The following EFCAB8 variants were observed in gnomAD, a reference collection of about 807,000 sequenced individuals.
EFCAB8 encodes the protein EF-hand calcium binding domain 8, also known as EF-hand calcium-binding domain-containing protein 8.
In EFCAB8, 100 loss-of-function variants were observed where a neutral mutation model predicts 116.3. The observed-to-expected ratio is 0.86, with a 90% confidence interval of 0.73 to 1.02. EFCAB8 has a LOEUF of 1.02. Among genes scored for constraint, EFCAB8 ranks in the 50% least tolerant of loss-of-function variants. EFCAB8 has a pLI of 0.00. For missense variants in EFCAB8, 1,320 were observed against 1,416.9 expected (o/e 0.93, Z 1.10); for synonymous variants, 558 against 567.9 (o/e 0.98, Z 0.25).
At position 32,918,430 on chromosome 20, in the gene EFCAB8, G is replaced by A; in HGVS notation, c.2130G>A (p.Lys710=). 2 of 1,551,764 alleles carry A rather than the reference G, an allele frequency of 1.3e-6. No individual in the cohort carries two copies. Among genetic ancestry groups the A allele is most frequent in the East Asian group, 2.4e-5 (1 of 40,920 alleles). ...RPSRPYVERE[K]WTYKTSRKLS... ...GCAGACCCTATGTGGAGCGGGAGAA[G>A]TGGACATACAAGACCTCCAGGAAGC... The change falls in exon 19 of 27, where the codon AAG becomes AAA. Residue 710 remains lysine (K), a synonymous_variant. Transcript: ENST00000400522.
chr20:32,923,952 A>C (rs117962900), intron 20 of EFCAB8, among the ~76,000 whole-genome samples: 1 of 152,114 alleles, frequency 6.6e-6, no homozygotes, highest in East Asian at 1.9e-4. Context: ...TTAGAAACAT[A>C]CTCCTGGAAA....
chr20:32,866,139 G>A (rs910198854), intron 2 of EFCAB8, among the ~76,000 whole-genome samples: 9 of 152,172 alleles, frequency 5.9e-5, no homozygotes, highest in African/African-American at 2.2e-4. Context: ...TGTTCACGGT[G>A]TATCCACAGT....
intron 3 of EFCAB8, among the ~76,000 whole-genome samples, chr20:32,872,551 C>T (rs1430871137): frequency 6.6e-6 from 1 of 151,816 alleles, no homozygotes; most frequent in African/African-American, 2.4e-5. Context: ...ACTTTGGGAT[C>T]CCAGCGAGCT....
chr20:32,911,428 G>T, intron 15 of EFCAB8, 52 bp from the exon 16 acceptor site: 1 of 1,421,256 alleles, frequency 7.0e-7, no homozygotes, highest in South Asian at 1.5e-5. Flanking sequence ...ACCACCCTTG[G>T]GAGTGGAGGC....
At chr20:32,909,068 A>C (rs1986806805) in intron 14 of EFCAB8, among the ~76,000 whole-genome samples, 1 of 152,188 alleles carries the variant, frequency 6.6e-6, no homozygotes, top group Non-Finnish European at 1.5e-5. Flanking sequence ...ATGGGAGCAG[A>C]AGCCCAGAAA....
rs1174049168 is a variant in EFCAB8, at chr20:32,898,517, C to T, written c.982C>T (p.Gln328Ter). ...GGCTCTCCATCCCAACTGGTGTGAGCAGGTCAAGTTCATCCCCCAGATGAA... is the reference window on the plus strand; with the variant it reads ...GGCTCTCCATCCCAACTGGTGTGAGTAGGTCAAGTTCATCCCCCAGATGAA... ...LKALHPNWCE[Q>*]VKFIPQMNVV... The change falls in exon 11 of 27, where the codon CAG becomes TAG. Residue 328 changes from glutamine to a stop codon, truncating the protein, a stop_gained. Coordinates refer to ENST00000400522, the MANE Select transcript of EFCAB8 (RefSeq NM_001143967.2). LOFTEE classifies it high-confidence loss of function. The T allele has an allele frequency of 1.4e-6, 1 of 718,406 alleles. No homozygotes were observed. Among genetic ancestry groups the T allele is most frequent in the Non-Finnish European group, 2.6e-6 (1 of 385,046 alleles). 44.5% of individuals were successfully genotyped at this position (718,406 alleles called of 1,614,324 possible). A position where few individuals can be genotyped will look rare whatever the true frequency, so the allele number is the denominator to read the frequency against.
intron 23 of EFCAB8, among the ~76,000 whole-genome samples, chr20:32,957,793 G>T (rs1989018407): frequency 6.7e-6 from 1 of 150,038 alleles, no homozygotes; most frequent in Non-Finnish European, 1.5e-5. Context: ...AGACAAGAAA[G>T]CAGCTCCCAC....
chr20:32,861,456 C>T (rs1232934993), intron 1 of EFCAB8, among the ~76,000 whole-genome samples: 5 of 152,084 alleles, frequency 3.3e-5, no homozygotes, highest in African/African-American at 1.2e-4. Flanking sequence ...ACCCAGCTAA[C>T]GTTTGTATTT....
intron 23 of EFCAB8, among the ~76,000 whole-genome samples, chr20:32,946,687 G>A (rs1245717830): frequency 6.6e-6 from 1 of 152,244 alleles, no homozygotes; most frequent in East Asian, 1.9e-4. Context: ...CCTTTTAAAA[G>A]TATATAGTTC....
At chr20:32,870,549 A>T (rs979392338) in intron 3 of EFCAB8, among the ~76,000 whole-genome samples, 1 of 151,780 alleles carries the variant, frequency 6.6e-6, no homozygotes, top group Non-Finnish European at 1.5e-5. Flanking sequence ...CCCAGGCTGG[A>T]GTGGAGTGGT....
Position 32,930,388 on chromosome 20 carries a change from T to C in EFCAB8, c.2413-10T>C. ...AGCCCTGCTGAGCCGGGCCCTCCTC[T>C]CTTCCTCAGATAATCTTCCTGCAGA... On this transcript the variant is annotated splice_polypyrimidine_tract_variant and intron_variant, in intron 20 of 26. Transcript: ENST00000400522. 6.5e-7 allele frequency: 1 copy of C among 1,548,422 alleles called. No individual in the cohort carries two copies. Among genetic ancestry groups the C allele is most frequent in the Non-Finnish European group, 8.7e-7 (1 of 1,146,556 alleles).
chr20:32,894,896 A>G (rs917585737), intron 9 of EFCAB8, among the ~76,000 whole-genome samples: 8 of 152,250 alleles, frequency 5.3e-5, no homozygotes, highest in African/African-American at 1.9e-4. Context: ...GCCTGTGCAC[A>G]ACCAGCCCCA....
At chr20:32,937,701 C>G (rs565507708) in intron 22 of EFCAB8, among the ~76,000 whole-genome samples, 1 of 130,896 alleles carries the variant, frequency 7.6e-6, no homozygotes, top group African/African-American at 2.9e-5. Flanking sequence ...TCACTGCAAC[C>G]TCTGCCTCCG....
chr20:32,867,556 C>T, intron 2 of EFCAB8, 26 bp from the exon 3 acceptor site: 1 of 1,548,672 alleles, frequency 6.5e-7, no homozygotes, highest in Non-Finnish European at 8.7e-7. Context: ...ACGCTCAGTC[C>T]CTGGTTCTTG....
In EFCAB8 at chr20:32,959,886, G is replaced by A; in HGVS notation, c.3198G>A (p.Lys1066=). The A allele has an allele frequency of 6.4e-7, 1 of 1,551,618 alleles. No homozygotes were observed. The change falls in exon 25 of 27, where the codon AAG becomes AAA. Residue 1066 remains lysine, a synonymous_variant. Transcript: ENST00000400522. ...ATAAGGAGGCAGACACTTGGGCCAA[G>A]CTGCAGAAGATGGCCCTGATGTCCC... ...KADKEADTWA[K]LQKMALMSPW... is the part of the protein sequence containing the mutation.
chr20:32,936,817 T>C (rs967877247), intron 22 of EFCAB8, among the ~76,000 whole-genome samples: 1 of 152,206 alleles, frequency 6.6e-6, no homozygotes, highest in Non-Finnish European at 1.5e-5. Flanking sequence ...TGCATATGAA[T>C]TTAAGGATTG....
rs755857401 is a variant in EFCAB8 at position 32,875,977 on chromosome 20, T to A, written c.260T>A (p.Val87Glu). Reference protein sequence around the residue: ...IKAMKKVLSSVSDEMLKELFL... With the variant: ...IKAMKKVLSSESDEMLKELFL... ...GCCATGAAGAAGGTTCTGAGCAGTG[T>A]GTCGGACGAGATGCTAAAGGAGCTG... The change falls in exon 4 of 27, where the codon GTG becomes GAG. Residue 87 changes from valine to glutamate, a missense_variant. Val to Glu is a moderately radical substitution (Grantham distance 121). Transcript: ENST00000400522. 5.8e-6 allele frequency: 9 copies of A among 1,552,028 alleles called. No homozygotes were observed. The highest frequency in any genetic ancestry group is 1.4e-5 in the African/African-American group (1 of 73,044).
At chr20:32,898,724 T>C (rs1185382394) in intron 11 of EFCAB8, 101 bp downstream of exon 11, 1 of 657,376 alleles carries the variant, frequency 1.5e-6, no homozygotes, top group Non-Finnish European at 2.8e-6. Context: ...GGTTGGTGTA[T>C]GGACTCTGGG....
At chr20:32,953,116 T>C (rs1988847879) in intron 23 of EFCAB8, among the ~76,000 whole-genome samples, 1 of 152,248 alleles carries the variant, frequency 6.6e-6, no homozygotes, top group Non-Finnish European at 1.5e-5. Flanking sequence ...CATAATGCCC[T>C]CAATATTTAT....
Sources: gnomAD v4.1 joint callset for allele counts (sites outside exome capture counted in the v4.1 genomes callset) on GRCh38, gnomAD v4.1.1 for gene constraint, MANE v1.5 for transcripts, NCBI Gene and HGNC (gene_info 2026-07-23, HGNC 2026-07-21) for gene names.